Variants in SCHIP1 observed in about 807,000 individuals in gnomAD.
SCHIP1 encodes schwannomin interacting protein 1.
SCHIP1 carries 8 observed loss-of-function variants against 29.7 expected under a neutral mutation model. The ratio of observed to expected loss-of-function variants is 0.27; its 90% CI spans 0.16 to 0.49. The LOEUF is 0.49. Ranked by LOEUF, SCHIP1 falls within the 20% of genes least tolerant of loss-of-function variation. The pLI, the probability that SCHIP1 is intolerant of heterozygous loss-of-function variation, is 0.99. For missense variants in SCHIP1, 193 were observed against 294.6 expected (o/e 0.66, Z 2.52); for synonymous variants, 76 against 94.9 (o/e 0.80, Z 1.16).
chr3:159,887,558 T>G, intron 3 of SCHIP1, 150 bp from the exon 5 acceptor site: 8 of 806,576 alleles, frequency 9.9e-6, no homozygotes, highest in Non-Finnish European at 1.6e-5. Flanking sequence ...TTCTGTTACT[T>G]GAGATTTATC....
At chr3:159,768,395 A>G in the SCHIP1 span, 1 of 152,196 alleles carries the variant, frequency 6.6e-6, no homozygotes, top group African/African-American at 2.4e-5. Flanking sequence ...GACAGAATCC[A>G]TGTCTCCTCA....
chr3:159,685,524 A>T, the SCHIP1 span, among the ~76,000 whole-genome samples: 3 of 152,232 alleles, frequency 2.0e-5, no homozygotes, highest in Non-Finnish European at 4.4e-5. Flanking sequence ...AATCAAAAGG[A>T]TGTAATTAAA....
At chr3:159,465,207 G>A in the SCHIP1 span, among the ~76,000 whole-genome samples, 2 of 151,936 alleles carry the variant, frequency 1.3e-5, no homozygotes, top group African/African-American at 2.4e-5. Context: ...TTTTTGGCCA[G>A]GTATCAAACT....
the SCHIP1 span, among the ~76,000 whole-genome samples, chr3:159,822,169 C>A: frequency 3.3e-5 from 5 of 152,282 alleles, no homozygotes; most frequent in African/African-American, 1.2e-4. Flanking sequence ...CAGCTGAGAG[C>A]AGGCACAGAG....
the SCHIP1 span, among the ~76,000 whole-genome samples, chr3:159,405,817 AG>A: frequency 6.7e-6 from 1 of 149,626 alleles, no homozygotes; most frequent in African/African-American, 2.5e-5. Flanking sequence ...CAGTAGGCGG[AG>A]GTTGCAGTGA....
chr3:159,782,979 G>C, the SCHIP1 span, among the ~76,000 whole-genome samples: 1 of 152,162 alleles, frequency 6.6e-6, no homozygotes, highest in African/African-American at 2.4e-5. Context: ...GACTGTCACC[G>C]AAGGACCAGG....
At chr3:159,560,151 T>C in the SCHIP1 span, among the ~76,000 whole-genome samples, 1 of 152,244 alleles carries the variant, frequency 6.6e-6, no homozygotes, top group Non-Finnish European at 1.5e-5. Context: ...ATTTTGTTAC[T>C]ACTAACAAGC....
the SCHIP1 span, among the ~76,000 whole-genome samples, chr3:159,810,259 C>T: frequency 6.6e-6 from 1 of 151,980 alleles, no homozygotes; most frequent in African/African-American, 2.4e-5. Flanking sequence ...GTTGGCCAGG[C>T]TAGTCTTGAA....
At chr3:159,394,413 C>T in the SCHIP1 span, among the ~76,000 whole-genome samples, 5 of 152,008 alleles carry the variant, frequency 3.3e-5, no homozygotes, top group African/African-American at 9.7e-5. Flanking sequence ...GGGAATGCTT[C>T]CAGTGTTTGC....
the SCHIP1 span, among the ~76,000 whole-genome samples, chr3:159,818,964 A>G: frequency 6.6e-6 from 1 of 152,218 alleles, no homozygotes. Context: ...CTATCTCACA[A>G]TTTCTGATCA....
the SCHIP1 span, among the ~76,000 whole-genome samples, chr3:159,437,973 C>G: frequency 6.6e-6 from 1 of 152,108 alleles, no homozygotes; most frequent in Non-Finnish European, 1.5e-5. Flanking sequence ...AGCTCAGCTT[C>G]TCCAGCTATA....
the SCHIP1 span, among the ~76,000 whole-genome samples, chr3:159,549,400 G>A: frequency 3.9e-5 from 6 of 152,106 alleles, no homozygotes; most frequent in African/African-American, 9.7e-5. Context: ...TAACCTCCTC[G>A]TGTGGCTTTA....
chr3:159,680,664 T>C, the SCHIP1 span, among the ~76,000 whole-genome samples: 3 of 19,978 alleles, frequency 1.5e-4, no homozygotes, highest in South Asian at 3.9e-3. Flanking sequence ...ATATATAAAA[T>C]ATATATTATA....
the SCHIP1 span, among the ~76,000 whole-genome samples, chr3:159,820,987 C>G: frequency 6.6e-6 from 1 of 152,174 alleles, no homozygotes; most frequent in African/African-American, 2.4e-5. Flanking sequence ...ATGGCTAGTG[C>G]AACTGGGAAA....
chr3:159,753,188 A>G, the SCHIP1 span, among the ~76,000 whole-genome samples: 1 of 152,196 alleles, frequency 6.6e-6, no homozygotes, highest in Non-Finnish European at 1.5e-5. Context: ...CATGTCACCT[A>G]AAACCAAGCT....
At chr3:159,713,040 A>G in the SCHIP1 span, among the ~76,000 whole-genome samples, 2 of 151,584 alleles carry the variant, frequency 1.3e-5, no homozygotes, top group African/African-American at 4.9e-5. Flanking sequence ...CTGTAATCCC[A>G]GCTATTAGGG....
the SCHIP1 span, among the ~76,000 whole-genome samples, chr3:159,689,078 T>A: frequency 6.6e-6 from 1 of 152,166 alleles, no homozygotes; most frequent in African/African-American, 2.4e-5. Context: ...CTTGGCTGTA[T>A]GGGCTCCTTT....
chr3:159,315,675 T>G, the SCHIP1 span, among the ~76,000 whole-genome samples: 2 of 152,100 alleles, frequency 1.3e-5, no homozygotes, highest in Admixed American at 6.5e-5. Context: ...TCATGCAAAC[T>G]TAAGTAGAAG....
chr3:159,781,619 C>G, the SCHIP1 span, among the ~76,000 whole-genome samples: 1 of 151,978 alleles, frequency 6.6e-6, no homozygotes, highest in African/African-American at 2.4e-5. Context: ...GATTGAATGC[C>G]CACTATGTGT....
Sources: gnomAD v4.1 joint callset for allele counts (sites outside exome capture counted in the v4.1 genomes callset) on GRCh38, gnomAD v4.1.1 for gene constraint, MANE v1.5 for transcripts, NCBI Gene and HGNC (gene_info 2026-07-23, HGNC 2026-07-21) for gene names.